Variants in ATF6 observed in about 807,000 individuals in gnomAD.
ATF6 encodes cyclic AMP-dependent transcription factor ATF-6 alpha.
A neutral mutation model predicts 83.6 loss-of-function variants in ATF6; 53 were observed. The ratio of observed to expected loss-of-function variants is 0.63; its 90% CI spans 0.51 to 0.80. The LOEUF is 0.80. ATF6 is among the 30% of genes least tolerant of loss of function. The probability of loss-of-function intolerance (pLI) is 0.00; values close to 1 mark genes in which losing one functional copy is unlikely to be tolerated. For synonymous variants in ATF6, 288 were observed against 285.8 expected, an observed-to-expected ratio of 1.01 and a Z score of -0.08; for missense variants, 744 against 797.9, an observed-to-expected ratio of 0.93 and a Z score of 0.81.
Position 161,791,715 on chromosome 1 carries a change from A to G in ATF6, c.484+178A>G, listed in dbSNP as rs184330442. Among the ~76,000 whole-genome samples, 12 of 152,328 alleles carry G rather than the reference A, an allele frequency of 7.9e-5. No individual in the cohort carries two copies. In the East Asian group the frequency reaches 1.5e-3, roughly 20 times the overall value. On this transcript the variant is annotated intron_variant, in intron 5 of 15. Coordinates refer to ENST00000367942, the MANE Select transcript of ATF6 (RefSeq NM_007348.4). ...CCGTGGAGAGGAAAGGGGAGAAATA[A>G]TCTTTGGTTGTCTCTGTCTTTACAG... is the stretch of plus-strand genomic sequence containing the variant.
chr1:161,901,969 A>G (rs1000811056), intron 14 of ATF6, among the ~76,000 whole-genome samples: 1 of 152,184 alleles, frequency 6.6e-6, no homozygotes, highest in African/African-American at 2.4e-5. Flanking sequence ...TCATTATACA[A>G]TGTCAAAAAA....
intron 12 of ATF6, among the ~76,000 whole-genome samples, chr1:161,853,910 G>T (rs528620525): frequency 7.2e-5 from 11 of 152,304 alleles, no homozygotes; most frequent in African/African-American, 2.6e-4. Context: ...TCCCAATAAT[G>T]AGCCAAGGAC....
At chr1:161,860,986 C>T (rs375913195) in intron 13 of ATF6, among the ~76,000 whole-genome samples, 35 of 152,226 alleles carry the variant, frequency 2.3e-4, no homozygotes, top group African/African-American at 8.2e-4. Flanking sequence ...TATAACTCTA[C>T]CTCTTACTTT....
At chr1:161,793,764 G>C (rs1364282886) in intron 6 of ATF6, among the ~76,000 whole-genome samples, 1 of 152,188 alleles carries the variant, frequency 6.6e-6, no homozygotes, top group Non-Finnish European at 1.5e-5. Context: ...ATAATAAGAA[G>C]ACAAACTGTT....
chr1:161,936,114 C>T (rs1232712066), intron 15 of ATF6, among the ~76,000 whole-genome samples: 2 of 152,086 alleles, frequency 1.3e-5, no homozygotes, highest in African/African-American at 4.8e-5. Flanking sequence ...GGTTTAGGTT[C>T]GAAGCAACTC....
In ATF6 at chr1:161,895,217, A is replaced by G. The variant is rs539873281; in HGVS notation, c.1720-17079A>G. Among the ~76,000 whole-genome samples the G allele has an allele frequency of 8.5e-5, 13 of 152,302 alleles. No homozygotes were observed. The East Asian group carries it at 2.3e-3, about 27-fold the overall frequency. ...ATGCCACTGCACTCCAGCTTGGCTG[A>G]CAGAGTGAGAACCTGTGTCAAAAAA... On this transcript the variant is annotated intron_variant, in intron 14 of 15. Transcript: ENST00000367942.
chr1:161,957,401 C>A (rs929865346), intron 15 of ATF6, among the ~76,000 whole-genome samples: 2 of 152,176 alleles, frequency 1.3e-5, no homozygotes, highest in Non-Finnish European at 2.9e-5. Context: ...ACTCAGAATT[C>A]TCCCATGTTC....
intron 14 of ATF6, among the ~76,000 whole-genome samples, chr1:161,887,185 C>T (rs1687441644): frequency 6.6e-6 from 1 of 151,944 alleles, no homozygotes; most frequent in Non-Finnish European, 1.5e-5. Context: ...TGTTCTCCTG[C>T]CTAAGCCTCC....
rs1688768810 is a variant in ATF6 at position 161,947,398 on chromosome 1, TTTG to T, written c.1805-11045_1805-11043del. On this transcript the variant is annotated intron_variant, in intron 15 of 15. Transcript: ENST00000367942. ...AATCAGATAACAAGGGTGGAGGATT[TTTG>T]TTAAACTTTAGCCGGATTCTTGCTC... Among the ~76,000 whole-genome samples the T allele has an allele frequency of 2.0e-5, 3 of 152,286 alleles. No individual in the cohort carries two copies. The South Asian group carries it at 6.2e-4, about 32-fold the overall frequency.
At chr1:161,956,111 A>G (rs1688961355) in intron 15 of ATF6, among the ~76,000 whole-genome samples, 1 of 152,208 alleles carries the variant, frequency 6.6e-6, no homozygotes, top group African/African-American at 2.4e-5. Context: ...CATAACAGGC[A>G]CGTGGGCTCT....
chr1:161,947,792 A>G (rs1459108078), intron 15 of ATF6, among the ~76,000 whole-genome samples: 2 of 142,220 alleles, frequency 1.4e-5, no homozygotes, highest in South Asian at 2.3e-4. Flanking sequence ...AAAATATTCC[A>G]TAGTCCTTAA....
chr1:161,793,676 C>T (rs565313061), intron 6 of ATF6, among the ~76,000 whole-genome samples: 3 of 152,158 alleles, frequency 2.0e-5, no homozygotes, highest in Admixed American at 1.3e-4. Flanking sequence ...ATATGACTAG[C>T]GTATAAAGCA....
rs548334743 is a variant in ATF6, at chr1:161,902,934, G to T, written c.1720-9362G>T. Among the ~76,000 whole-genome samples, 457 of 152,324 alleles carry T rather than the reference G, an allele frequency of 3.0e-3. 3 individuals are homozygous for T. Among genetic ancestry groups the T allele is most frequent in the Middle Eastern group, 0.02 (6 of 294 alleles). On this transcript the variant is annotated intron_variant, in intron 14 of 15. Coordinates refer to ENST00000367942, the MANE Select transcript of ATF6 (RefSeq NM_007348.4). Reference sequence around the variant, plus strand: ...TGACATTTGAATGAAGATCTGAAGTGGGAGCAGGTAAAGGTGTGTGCCTCT... The same window carrying T: ...TGACATTTGAATGAAGATCTGAAGTTGGAGCAGGTAAAGGTGTGTGCCTCT...
chr1:161,950,886 C>G (rs1688849542), intron 15 of ATF6, among the ~76,000 whole-genome samples: 1 of 152,098 alleles, frequency 6.6e-6, no homozygotes, highest in Non-Finnish European at 1.5e-5. Context: ...AATGGTGTTT[C>G]AAGAAGTGTT....
chr1:161,807,865 CTTTTTTTTTTTTTTTTT>C (rs761462420), intron 7 of ATF6, among the ~76,000 whole-genome samples: 13 of 32,346 alleles, frequency 4.0e-4, no homozygotes, highest in East Asian at 3.5e-3. Context: ...AGTTTGTCAT[CTTTTTTTTTTTTTTTTT>C]TTTTTTTTTT....
chr1:161,898,160 A>T (rs1687713217), intron 14 of ATF6, among the ~76,000 whole-genome samples: 1 of 152,236 alleles, frequency 6.6e-6, no homozygotes, highest in Non-Finnish European at 1.5e-5. Context: ...ACCTTCTTAC[A>T]GTGCAACTTG....
At chr1:161,906,836 C>T (rs898610526) in intron 14 of ATF6, among the ~76,000 whole-genome samples, 1 of 152,136 alleles carries the variant, frequency 6.6e-6, no homozygotes, top group Non-Finnish European at 1.5e-5. Context: ...ACAAATACAG[C>T]ATTCATATTA....
chr1:161,797,514 A>G (rs550328948), intron 6 of ATF6, among the ~76,000 whole-genome samples: 4 of 152,338 alleles, frequency 2.6e-5, no homozygotes, highest in African/African-American at 4.8e-5. Context: ...CAGCATTTCT[A>G]TACCCCAGTA....
chr1:161,880,863 C>G (rs149158602), intron 14 of ATF6, among the ~76,000 whole-genome samples: 1 of 152,046 alleles, frequency 6.6e-6, no homozygotes, highest in Non-Finnish European at 1.5e-5. Flanking sequence ...ACATTCCCAC[C>G]AGTGGGAATA....
Sources: gnomAD v4.1 joint callset for allele counts (sites outside exome capture counted in the v4.1 genomes callset) on GRCh38, gnomAD v4.1.1 for gene constraint, MANE v1.5 for transcripts, NCBI Gene and HGNC (gene_info 2026-07-23, HGNC 2026-07-21) for gene names.